TYW1: variants seen among roughly 807,000 people sequenced by gnomAD.
The protein encoded by TYW1 is S-adenosyl-L-methionine-dependent tRNA 4-demethylwyosine synthase TYW1.
TYW1 carries 46 observed loss-of-function variants against 96.2 expected under a neutral mutation model. That is an observed-to-expected ratio of 0.48 (90% CI 0.38 to 0.61). The LOEUF is 0.61. TYW1 is among the 20% of genes least tolerant of loss of function. The probability of loss-of-function intolerance (pLI) is 0.00; values close to 1 mark genes in which losing one functional copy is unlikely to be tolerated. For missense variants in TYW1, 684 were observed against 909.6 expected (o/e 0.75, Z 3.19); for synonymous variants, 274 against 323.0 (o/e 0.85, Z 1.63).
At chr7:67,058,084 G>A (rs866117647) in intron 9 of TYW1, among the ~76,000 whole-genome samples, 1 of 151,880 alleles carries the variant, frequency 6.6e-6, no homozygotes, top group Non-Finnish European at 1.5e-5. Context: ...ACAGGCACCC[G>A]CCACCATGCC....
At chr7:67,228,699 A>G (rs11762516) in intron 15 of TYW1, among the ~76,000 whole-genome samples, 14,539 of 152,240 alleles carry the variant, frequency 0.096, 784 homozygotes, top group Middle Eastern at 0.15. Context: ...CAACTCTTGA[A>G]TGTGTAGAAC....
intron 10 of TYW1, among the ~76,000 whole-genome samples, chr7:67,077,421 A>G (rs1400373212): frequency 8.5e-5 from 13 of 152,190 alleles, no homozygotes; most frequent in African/African-American, 2.4e-5. Flanking sequence ...TTATTTGATA[A>G]TAGTCATTTT....
rs777727038 is a variant in TYW1, at chr7:66,998,953, A to G, written c.272A>G (p.Lys91Arg). The G allele has an allele frequency of 2.5e-6, 4 of 1,613,388 alleles. No individual in the cohort carries two copies. The highest frequency in any genetic ancestry group is 4.5e-5 in the East Asian group (2 of 44,856). Residue 91 changes from lysine to arginine, a missense_variant and splice_region_variant, in exon 3 of 16, where the codon AAG becomes AGG. Lys to Arg is a conservative substitution (Grantham distance 26). Coordinates refer to ENST00000359626, the MANE Select transcript of TYW1 (RefSeq NM_018264.4). Reference sequence around the variant, plus strand: ...TATGGTTCTCAGACTGGAACAGCGAAGGTAAGAAATTTATATGATGCTTTT... The same window carrying G: ...TATGGTTCTCAGACTGGAACAGCGAGGGTAAGAAATTTATATGATGCTTTT... ...IFYGSQTGTAKGFATVLAEAV... is the reference protein window; with the variant it reads ...IFYGSQTGTARGFATVLAEAV...
intron 14 of TYW1, among the ~76,000 whole-genome samples, chr7:67,191,604 AG>A (rs1031589910): frequency 6.8e-6 from 1 of 146,646 alleles, no homozygotes; most frequent in African/African-American, 2.6e-5. Context: ...TGTGATATGA[AG>A]GGAAAGTTTT....
At chr7:67,105,745 A>G (rs1406335074) in intron 12 of TYW1, among the ~76,000 whole-genome samples, 1 of 152,240 alleles carries the variant, frequency 6.6e-6, no homozygotes, top group African/African-American at 2.4e-5. Flanking sequence ...TGAAATAATG[A>G]AAGGTAAACT....
chr7:67,080,767 A>T (rs1796359040), intron 10 of TYW1, among the ~76,000 whole-genome samples: 1 of 151,676 alleles, frequency 6.6e-6, no homozygotes, highest in African/African-American at 2.4e-5. Flanking sequence ...GTATATCTTT[A>T]CAGGTGAAGT....
intron 13 of TYW1, among the ~76,000 whole-genome samples, chr7:67,154,531 T>C (rs1268705280): frequency 3.4e-5 from 5 of 146,216 alleles, no homozygotes; most frequent in African/African-American, 1.4e-4. Flanking sequence ...TCTCCTGTTC[T>C]ATAAGGGTTC....
At chr7:66,997,574 A>G (rs1338019757) in intron 1 of TYW1, among the ~76,000 whole-genome samples, 2 of 152,192 alleles carry the variant, frequency 1.3e-5, no homozygotes, top group African/African-American at 4.8e-5. Context: ...TAGTGTTAAC[A>G]GTGTGATAAT....
At chr7:67,173,543 A>G (rs541961513) in intron 13 of TYW1, among the ~76,000 whole-genome samples, 2 of 152,264 alleles carry the variant, frequency 1.3e-5, no homozygotes, top group South Asian at 2.1e-4. Context: ...ATTGATTAGT[A>G]GATTTTCTAC....
intron 10 of TYW1, among the ~76,000 whole-genome samples, chr7:67,080,992 G>A: frequency 9.1e-6 from 1 of 109,462 alleles, no homozygotes; most frequent in Non-Finnish European, 1.8e-5. Flanking sequence ...TTCCATAGCG[G>A]TAACATTTGA....
At chr7:67,117,269 G>T (rs1797623852) in intron 12 of TYW1, among the ~76,000 whole-genome samples, 1 of 152,094 alleles carries the variant, frequency 6.6e-6, no homozygotes, top group Admixed American at 6.6e-5. Flanking sequence ...CAATGTATTA[G>T]GGATGGTTTC....
intron 10 of TYW1, among the ~76,000 whole-genome samples, chr7:67,079,639 G>T (rs575246730): frequency 2.0e-5 from 3 of 151,596 alleles, no homozygotes; most frequent in Admixed American, 2.0e-4. Flanking sequence ...AGTAATTTTG[G>T]GTTTGGTGTG....
chr7:67,023,023 C>A (rs1794327007), intron 6 of TYW1, among the ~76,000 whole-genome samples: 1 of 152,166 alleles, frequency 6.6e-6, no homozygotes, highest in Non-Finnish European at 1.5e-5. Context: ...TATATGACAT[C>A]TCTCTGCTAT....
In TYW1 at chr7:67,071,868, C is replaced by T. The variant is rs201808541; in HGVS notation, c.1274+4465C>T. Among the ~76,000 whole-genome samples, 29 of 152,176 alleles carry T rather than the reference C, an allele frequency of 1.9e-4. 1 individual carries two copies. The South Asian group carries it at 4.8e-3, about 25-fold the overall frequency. On this transcript the variant is annotated intron_variant, in intron 10 of 15. Coordinates refer to ENST00000359626, the MANE Select transcript of TYW1 (RefSeq NM_018264.4). ...AACTCCTGGCCTCAAGTGATCCACC[C>T]GCCTTGGCCTTCCAAAGTGCCGGGA...
At chr7:67,024,429 A>T (rs1370103189) in intron 6 of TYW1, among the ~76,000 whole-genome samples, 1 of 152,118 alleles carries the variant, frequency 6.6e-6, no homozygotes. Context: ...GGCCTCACAG[A>T]GTGCTGGGAT....
chr7:67,148,425 A>AT (rs34723740), intron 13 of TYW1, among the ~76,000 whole-genome samples: 7,408 of 109,342 alleles, frequency 0.068, 693 homozygotes, highest in Admixed American at 0.17. Flanking sequence ...CTTGAAAGTG[A>AT]TTTTTTTTTT....
intron 10 of TYW1, among the ~76,000 whole-genome samples, chr7:67,072,107 C>G (rs1299996137): frequency 6.7e-6 from 1 of 149,822 alleles, no homozygotes; most frequent in Non-Finnish European, 1.5e-5. Context: ...CTTTTCAGTG[C>G]TCCAGTTCAC....
intron 7 of TYW1, among the ~76,000 whole-genome samples, chr7:67,040,839 A>G (rs10264599): frequency 0.32 from 47,585 of 150,930 alleles, 7,781 homozygotes; most frequent in African/African-American, 0.38. Flanking sequence ...GTGAGACCCT[A>G]TCTCAAAAAA....
At chr7:67,134,574 A>G (rs1369687946) in intron 13 of TYW1, among the ~76,000 whole-genome samples, 1 of 151,812 alleles carries the variant, frequency 6.6e-6, no homozygotes, top group African/African-American at 2.4e-5. Flanking sequence ...AGGATACCAT[A>G]TATCCAAACA....
Sources: gnomAD v4.1 joint callset for allele counts (sites outside exome capture counted in the v4.1 genomes callset) on GRCh38, gnomAD v4.1.1 for gene constraint, MANE v1.5 for transcripts, NCBI Gene and HGNC (gene_info 2026-07-23, HGNC 2026-07-21) for gene names.